Variants in CCDC171 observed in about 807,000 individuals in gnomAD.
CCDC171 encodes coiled-coil domain containing 171, also known as coiled-coil domain-containing protein 171.
CCDC171 carries 177 observed loss-of-function variants against 168.2 expected under a neutral mutation model. The observed-to-expected ratio is 1.05, with a 90% CI of 0.93 to 1.19. CCDC171 has a LOEUF of 1.19. CCDC171 is among the 50% of genes most tolerant of loss of function. The pLI is 0.00. For synonymous variants in CCDC171, 687 were observed against 540.8 expected (o/e 1.27, Z -3.75); for missense variants, 1,991 against 1,539.0 (o/e 1.29, Z -4.91).
chr9:15,906,004 C>G (rs1286724259), intron 24 of CCDC171, among the ~76,000 whole-genome samples: 1 of 152,214 alleles, frequency 6.6e-6, no homozygotes, highest in African/African-American at 2.4e-5. Context: ...AGACCAATAA[C>G]AGGCTCTGAA....
intron 4 of CCDC171, among the ~76,000 whole-genome samples, chr9:16,021,016 A>T (rs1374382723): frequency 6.6e-6 from 1 of 152,248 alleles, no homozygotes; most frequent in East Asian, 1.9e-4. Context: ...GACAAACGCA[A>T]GTATTGCACT....
intron 6 of CCDC171, among the ~76,000 whole-genome samples, chr9:15,621,667 A>T (rs528957498): frequency 6.6e-6 from 1 of 152,212 alleles, no homozygotes; most frequent in Non-Finnish European, 1.5e-5. Flanking sequence ...GGGAACACTT[A>T]TGCATTATTG....
intron 10 of CCDC171, among the ~76,000 whole-genome samples, chr9:15,689,553 A>G (rs1020180744): frequency 1.3e-5 from 2 of 152,180 alleles, no homozygotes; most frequent in South Asian, 4.1e-4. Context: ...TCTACTAAAA[A>G]TATAAAAATT....
intron 21 of CCDC171, among the ~76,000 whole-genome samples, chr9:15,810,702 G>C (rs2059311512): frequency 6.6e-6 from 1 of 152,208 alleles, no homozygotes; most frequent in Non-Finnish European, 1.5e-5. Context: ...TCCGAGTGCG[G>C]GGCCTGCCGA....
At chr9:16,061,625 A>G (rs1429082538), downstream of CCDC171, 6 of 152,238 alleles carry the variant, frequency 3.9e-5, no homozygotes, top group Non-Finnish European at 8.8e-5. Flanking sequence ...TAATGCTAAT[A>G]CAATACTACT....
At chr9:15,983,111 A>G (rs7031241) in intron 3 of CCDC171, among the ~76,000 whole-genome samples, 11,577 of 152,138 alleles carry the variant, frequency 0.076, 1,433 homozygotes, top group African/African-American at 0.26. Context: ...ATAAAAATAC[A>G]TGATCCTGGT....
chr9:15,646,589 G>A (rs566404955), intron 7 of CCDC171, among the ~76,000 whole-genome samples: 4 of 152,092 alleles, frequency 2.6e-5, no homozygotes, highest in Non-Finnish European at 5.9e-5. Flanking sequence ...AAAAAAAGTG[G>A]GGGTTGTAAT....
rs369697208 is a variant in CCDC171 at position 15,781,786 on chromosome 9, C to G, written c.3081+2636C>G. 4.4e-4 allele frequency among the ~76,000 whole-genome samples: 67 copies of G among 152,224 alleles called. No homozygotes were observed. In the South Asian group the frequency reaches 7.3e-3, roughly 16 times the overall value. ...GTGACGATTTCTAACATTTAGTGATCGTGTTGACCAGGTATCAGACACTGA... is the reference window on the plus strand; with the variant it reads ...GTGACGATTTCTAACATTTAGTGATGGTGTTGACCAGGTATCAGACACTGA... On this transcript the variant is annotated intron_variant, in intron 20 of 25. Transcript: ENST00000380701.
At chr9:15,631,971 C>G (rs1232809940) in intron 7 of CCDC171, among the ~76,000 whole-genome samples, 2 of 152,082 alleles carry the variant, frequency 1.3e-5, no homozygotes, top group Non-Finnish European at 2.9e-5. Context: ...AATTCAACAA[C>G]CCTTCATGCT....
intron 25 of CCDC171, among the ~76,000 whole-genome samples, chr9:15,931,910 T>G (rs1490986986): frequency 6.6e-6 from 1 of 151,840 alleles, no homozygotes; most frequent in Non-Finnish European, 1.5e-5. Flanking sequence ...CTTAGCACCT[T>G]AGGTGTATGA....
Position 15,951,377 on chromosome 9 carries a change from C to T in CCDC171, c.3754-20232C>T, listed in dbSNP as rs140329659. 1.6e-3 allele frequency among the ~76,000 whole-genome samples: 251 copies of T among 152,214 alleles called. 1 individual carries two copies. Among genetic ancestry groups the T allele is most frequent in the Admixed American group, 3.4e-3 (52 of 15,262 alleles). ...AAAATTGACCACATACCTGGTGATT[C>T]TATTTTTAATTTCTTGAGGAGCTAC... On this transcript the variant is annotated intron_variant, in intron 25 of 25. Transcript: ENST00000380701.
At chr9:15,768,026 C>T (rs960327840) in intron 18 of CCDC171, among the ~76,000 whole-genome samples, 5 of 150,218 alleles carry the variant, frequency 3.3e-5, no homozygotes, top group Non-Finnish European at 5.9e-5. Context: ...TGAGCCACTG[C>T]GCCCAGCCAC....
chr9:15,627,144 C>T (rs964031624), intron 7 of CCDC171, among the ~76,000 whole-genome samples: 19 of 151,968 alleles, frequency 1.3e-4, no homozygotes, highest in African/African-American at 1.4e-4. Flanking sequence ...TTTGTATTTC[C>T]GTGGGATCGG....
intron 6 of CCDC171, among the ~76,000 whole-genome samples, chr9:15,602,553 C>T (rs2042929789): frequency 1.3e-5 from 2 of 150,424 alleles, no homozygotes; most frequent in Admixed American, 6.6e-5. Context: ...AGGTGTCCTT[C>T]TCTGGAATAT....
upstream of CCDC171, among the ~76,000 whole-genome samples, chr9:16,038,922 A>G (rs1057446145): frequency 3.3e-5 from 5 of 151,354 alleles, no homozygotes; most frequent in African/African-American, 9.7e-5. Flanking sequence ...CTAAAGGGCG[A>G]AATTTATGAT....
intron 3 of CCDC171, among the ~76,000 whole-genome samples, chr9:15,576,265 C>G (rs902434405): frequency 6.6e-6 from 1 of 151,692 alleles, no homozygotes; most frequent in Non-Finnish European, 1.5e-5. Flanking sequence ...CTCCCTACAG[C>G]CTGGAACTCC....
chr9:15,590,777 CTTTCTTTCTTTCTT>C (rs1563999626), intron 4 of CCDC171, among the ~76,000 whole-genome samples: 8 of 104,216 alleles, frequency 7.7e-5, no homozygotes, highest in Non-Finnish European at 2.1e-5. Context: ...CTTTCTCTTT[CTTTCTTTCTTTCTT>C]TCTTTCTTTC....
chr9:15,743,246 G>A (rs920439269), intron 16 of CCDC171, among the ~76,000 whole-genome samples: 1 of 135,666 alleles, frequency 7.4e-6, no homozygotes, highest in African/African-American at 2.8e-5. Context: ...GCTCACTGCA[G>A]CCTCAACCTC....
At chr9:16,081,519 T>C in the CCDC171 span, among the ~76,000 whole-genome samples, 3 of 152,198 alleles carry the variant, frequency 2.0e-5, no homozygotes, top group African/African-American at 4.8e-5. Flanking sequence ...CTAGATGCTG[T>C]TGACAGTCAA....
Sources: gnomAD v4.1 joint callset for allele counts (sites outside exome capture counted in the v4.1 genomes callset) on GRCh38, gnomAD v4.1.1 for gene constraint, MANE v1.5 for transcripts, NCBI Gene and HGNC (gene_info 2026-07-23, HGNC 2026-07-21) for gene names.